Variants in ASIC2 observed in about 807,000 individuals in gnomAD.
ASIC2 encodes the protein acid-sensing ion channel 2.
Under a neutral mutation model 57.3 loss-of-function variants are expected in ASIC2, and 25 were observed. The observed-to-expected ratio is 0.44, with a 90% CI of 0.32 to 0.61. ASIC2 has a LOEUF of 0.61. Among genes scored for constraint, ASIC2 ranks in the 20% least tolerant of loss-of-function variants. The pLI is 0.06. For missense variants in ASIC2, 641 were observed against 738.1 expected (o/e 0.87, Z 1.52); for synonymous variants, 319 against 307.5 (o/e 1.04, Z -0.39).
chr17:34,148,955 G>A (rs935148588), intron 1 of ASIC2, among the ~76,000 whole-genome samples: 2 of 152,092 alleles, frequency 1.3e-5, no homozygotes, highest in Admixed American at 6.6e-5. Context: ...TGCACAAAAA[G>A]TGAGATCCCA....
At position 33,657,411 on chromosome 17, in the gene ASIC2, C is replaced by T. The variant is rs187737428; in HGVS notation, c.555+498567G>A. Among the ~76,000 whole-genome samples, 330 of 152,214 alleles carry T rather than the reference C, an allele frequency of 2.2e-3. 3 individuals carry two copies. The highest frequency in any genetic ancestry group is 4.2e-3 in the Admixed American group (64 of 15,298). ...GGGCCATGAGGCAGCTGGGACTGGC[C>T]GACCCTATGCTGGCTCCTCACATCT... is the stretch of plus-strand genomic sequence containing the variant. On this transcript the variant is annotated intron_variant, in intron 1 of 9. Transcript: ENST00000359872.
intron 1 of ASIC2, among the ~76,000 whole-genome samples, chr17:33,310,369 C>T (rs913600867): frequency 2.0e-5 from 3 of 152,060 alleles, no homozygotes; most frequent in Non-Finnish European, 2.9e-5. Flanking sequence ...ACTAGATGAC[C>T]TCTAGGGTTT....
intron 1 of ASIC2, chr17:34,038,499 C>A: frequency 6.2e-7 from 1 of 1,612,028 alleles, no homozygotes. Context: ...TCTGTTAGAT[C>A]AAATGCCTTG....
At chr17:34,001,181 T>C (rs1428270294) in intron 1 of ASIC2, 3 of 152,206 alleles carry the variant, frequency 2.0e-5, no homozygotes, top group South Asian at 2.1e-4. Flanking sequence ...GTGTCTGTAT[T>C]TGATGATGTA....
At position 33,257,719 on chromosome 17, in the gene ASIC2, A is replaced by T. The variant is rs1295489203; in HGVS notation, c.708+33689T>A. Reference sequence around the variant, plus strand: ...TGAGCAAGGCAGGTGTGTGGTATCAAGGTCCTGTGACATTCAGAGAACACA... The same window carrying T: ...TGAGCAAGGCAGGTGTGTGGTATCATGGTCCTGTGACATTCAGAGAACACA... On this transcript the variant is annotated intron_variant, in intron 1 of 9. Transcript: ENST00000225823. 2.6e-5 allele frequency among the ~76,000 whole-genome samples: 4 copies of T among 152,218 alleles called. No homozygotes were observed. The East Asian group carries it at 7.7e-4, about 29-fold the overall frequency.
chr17:33,524,935 G>A lies in ASIC2; in HGVS notation c.556-412868C>T, dbSNP rs1168560432. 4.6e-5 allele frequency among the ~76,000 whole-genome samples: 7 copies of A among 152,144 alleles called. No homozygotes were observed. The South Asian group carries it at 8.3e-4, about 18-fold the overall frequency. ...CAGCTGAGAGTGTAGACAGTGCCTA[G>A]GGAGCCCAGCAGCTCCCTTGGGAAT... On this transcript the variant is annotated intron_variant, in intron 1 of 9. Coordinates refer to the ASIC2 transcript ENST00000359872.
intron 1 of ASIC2, chr17:34,039,879 T>C: frequency 1.3e-6 from 2 of 1,595,766 alleles, no homozygotes; most frequent in Non-Finnish European, 1.7e-6. Flanking sequence ...TCATTTCTAC[T>C]GCCGCCGCCG....
At chr17:33,097,794 T>C (rs910191090) in intron 2 of ASIC2, among the ~76,000 whole-genome samples, 1 of 151,804 alleles carries the variant, frequency 6.6e-6, no homozygotes, top group African/African-American at 2.4e-5. Flanking sequence ...CGGACCAGAG[T>C]CGCAGCCCCA....
At chr17:33,316,119 A>G (rs1906634503) in intron 1 of ASIC2, among the ~76,000 whole-genome samples, 1 of 152,112 alleles carries the variant, frequency 6.6e-6, no homozygotes, top group African/African-American at 2.4e-5. Flanking sequence ...ATGTAACCTC[A>G]TGTGGTTTTT....
intron 1 of ASIC2, chr17:33,688,993 G>A (rs565068725): frequency 2.3e-4 from 35 of 152,300 alleles, no homozygotes; most frequent in South Asian, 6.2e-4. Context: ...AGGCAGTGGC[G>A]CTGAAACATC....
intron 1 of ASIC2, among the ~76,000 whole-genome samples, chr17:34,093,445 C>A (rs1020657745): frequency 6.6e-6 from 1 of 152,206 alleles, no homozygotes; most frequent in African/African-American, 2.4e-5. Flanking sequence ...CACGTCAAGC[C>A]CCACAAAGTC....
chr17:33,723,404 C>G (rs1407399948), intron 1 of ASIC2, among the ~76,000 whole-genome samples: 1 of 152,190 alleles, frequency 6.6e-6, no homozygotes, highest in Non-Finnish European at 1.5e-5. Context: ...TCTCTGCTCA[C>G]TGCAACCTCC....
intron 1 of ASIC2, among the ~76,000 whole-genome samples, chr17:33,221,025 T>TA: frequency 6.6e-6 from 1 of 152,194 alleles, no homozygotes; most frequent in African/African-American, 2.4e-5. Flanking sequence ...TGAGCTGACT[T>TA]ACACCATTGC....
intron 1 of ASIC2, among the ~76,000 whole-genome samples, chr17:33,324,870 T>A (rs1389387345): frequency 5.9e-5 from 9 of 152,124 alleles, no homozygotes; most frequent in Non-Finnish European, 8.8e-5. Flanking sequence ...CTCACTCCAT[T>A]CACCAGGAAT....
At chr17:33,359,183 G>A (rs1283883375) in intron 1 of ASIC2, among the ~76,000 whole-genome samples, 2 of 152,176 alleles carry the variant, frequency 1.3e-5, no homozygotes, top group African/African-American at 2.4e-5. Flanking sequence ...AGAGCAAGTT[G>A]AAAAGATGCT....
At chr17:33,428,110 C>T (rs1911281434) in intron 1 of ASIC2, among the ~76,000 whole-genome samples, 1 of 152,184 alleles carries the variant, frequency 6.6e-6, no homozygotes. Flanking sequence ...TACCCTGAGC[C>T]TAAACTACCT....
chr17:33,913,534 A>G (rs1192680897), intron 1 of ASIC2, among the ~76,000 whole-genome samples: 4 of 152,186 alleles, frequency 2.6e-5, no homozygotes, highest in African/African-American at 9.7e-5. Context: ...ATCATTTTCT[A>G]TGATAAACTG....
In ASIC2 at chr17:33,269,751, T is replaced by TTCCTTCCTTCC. The variant is rs1904404897; in HGVS notation, c.708+21656_708+21657insGGAAGGAAGGA. Among the ~76,000 whole-genome samples the TTCCTTCCTTCC allele has an allele frequency of 1.1e-3, 114 of 103,032 alleles. 9 individuals are homozygous for TTCCTTCCTTCC. Among genetic ancestry groups the TTCCTTCCTTCC allele is most frequent in the African/African-American group, 4.1e-3 (113 of 27,466 alleles). 67.6% of individuals were successfully genotyped at this position (103,032 alleles called of 152,430 possible). On this transcript the variant is annotated intron_variant, in intron 1 of 9. Transcript: ENST00000225823. ...CCCTCCCTCCTTCCTTCCTTCCTTCTTTCCTTCCTTCCTTCCTTCCTTCTT... is the reference window on the plus strand; with the variant it reads ...CCCTCCCTCCTTCCTTCCTTCCTTCTTCCTTCCTTCCTTCCTTCCTTCCTTCCTTCCTTCTT...
At chr17:33,660,200 G>A (rs747429292) in intron 1 of ASIC2, among the ~76,000 whole-genome samples, 14 of 152,064 alleles carry the variant, frequency 9.2e-5, no homozygotes, top group Non-Finnish European at 1.8e-4. Flanking sequence ...TGAATGTGAA[G>A]GCCTAGGACA....
Sources: allele counts gnomAD v4.1 joint callset (sites outside exome capture counted in the v4.1 genomes callset), GRCh38; gene constraint gnomAD v4.1.1; transcripts MANE v1.5; gene names NCBI Gene and HGNC (gene_info 2026-07-23, HGNC 2026-07-21).